Variants in HOXD3 observed in about 807,000 individuals in gnomAD.
The protein encoded by HOXD3 is homeobox D3, also known as homeobox protein Hox-D3.
Under a neutral mutation model 32.8 loss-of-function variants are expected in HOXD3, and 13 were observed. The ratio of observed to expected loss-of-function variants is 0.40; its 90% CI spans 0.26 to 0.63. The LOEUF (loss-of-function observed/expected upper bound fraction) is 0.63, where lower values mean the gene tolerates loss of function less well. Ranked by LOEUF, HOXD3 falls within the 20% of genes least tolerant of loss-of-function variation. The pLI is 0.44. For missense variants in HOXD3, 504 were observed against 577.1 expected (o/e 0.87, Z 1.30); for synonymous variants, 241 against 246.8 (o/e 0.98, Z 0.22).
At chr2:176,167,657 G>A (rs1385874575) in intron 2 of HOXD3, among the ~76,000 whole-genome samples, 1 of 141,810 alleles carries the variant, frequency 7.1e-6, no homozygotes, top group Non-Finnish European at 1.5e-5. Context: ...GCAAGATGCT[G>A]TGATTTTGAA....
chr2:176,169,320 C>G lies in HOXD3; in HGVS notation c.206C>G (p.Ser69Cys), dbSNP rs1691097443. The part of the protein sequence containing the change: ...LDTDYPGSAC[S>C]IQSSAPLRAP... ...ACTGACTATCCAGGTTCTGCCTGCTCCATCCAGAGCTCTGCCCCTCTGAGA... is the reference window on the plus strand; with the variant it reads ...ACTGACTATCCAGGTTCTGCCTGCTGCATCCAGAGCTCTGCCCCTCTGAGA... The change falls in exon 3 of 4, where the codon TCC becomes TGC. Residue 69 changes from serine (S) to cysteine (C), a missense_variant. Transcript: ENST00000683222. 1.9e-6 allele frequency: 3 copies of G among 1,614,088 alleles called. No individual in the cohort carries two copies. The highest frequency in any genetic ancestry group is 1.7e-6 in the Non-Finnish European group (2 of 1,179,994).
At chr2:176,154,813 G>A (rs553392523), upstream of HOXD3, among the ~76,000 whole-genome samples, 4 of 152,316 alleles carry the variant, frequency 2.6e-5, no homozygotes, top group South Asian at 2.1e-4. Flanking sequence ...ATGTCACCAC[G>A]TCGGGATATT....
intron 1 of HOXD3, among the ~76,000 whole-genome samples, chr2:176,159,102 T>C (rs1413417618): frequency 3.9e-5 from 6 of 152,212 alleles, no homozygotes; most frequent in African/African-American, 1.2e-4. Flanking sequence ...TATGCTCCGA[T>C]TGAAGAAGGC....
At chr2:176,158,127 G>C (rs933460658) in intron 1 of HOXD3, among the ~76,000 whole-genome samples, 1 of 152,206 alleles carries the variant, frequency 6.6e-6, no homozygotes, top group African/African-American at 2.4e-5. Context: ...ACCCCAGCGA[G>C]TTTCTTCTTC....
At chr2:176,170,359 G>T (rs1017136580) in intron 3 of HOXD3, among the ~76,000 whole-genome samples, 1 of 152,148 alleles carries the variant, frequency 6.6e-6, no homozygotes, top group Non-Finnish European at 1.5e-5. Flanking sequence ...AGTAGGAGAG[G>T]ATATTCTGGG....
intron 1 of HOXD3, among the ~76,000 whole-genome samples, chr2:176,158,050 G>C (rs966448690): frequency 6.6e-6 from 1 of 152,226 alleles, no homozygotes; most frequent in Non-Finnish European, 1.5e-5. Context: ...TTAACCAACA[G>C]ATAATGATTT....
At chr2:176,152,854 CCTCCTCATCTTG>C (rs746681294), upstream of HOXD3, 7 of 1,613,952 alleles carry the variant, frequency 4.3e-6, no homozygotes, top group African/African-American at 1.3e-5. This position sits in a 1 kb window ranked among gnomAD's most constrained non-coding sequence, Gnocchi z 5.2. Flanking sequence ...TCCTCATCTT[CCTCCTCATCTTG>C]CTCCTCCTCA....
At chr2:176,163,638 G>A (rs980172055) in intron 1 of HOXD3, among the ~76,000 whole-genome samples, 12 of 152,226 alleles carry the variant, frequency 7.9e-5, no homozygotes, top group South Asian at 4.2e-4. Context: ...TTCCTTTCCT[G>A]GTGCCCTTTT....
upstream of HOXD3, chr2:176,153,299 C>A: frequency 6.7e-6 from 2 of 298,964 alleles, no homozygotes; most frequent in Non-Finnish European, 1.3e-5. Context: ...CATTCTCCCC[C>A]ACTCCACCCC....
upstream of HOXD3, chr2:176,153,024 C>G: frequency 7.4e-7 from 1 of 1,348,700 alleles, no homozygotes; most frequent in Non-Finnish European, 1.1e-6. Flanking sequence ...GCTGTCACCT[C>G]GCTGGGCTCT....
At chr2:176,154,116 GT>G (rs576083458), upstream of HOXD3, among the ~76,000 whole-genome samples, 263 of 151,788 alleles carry the variant, frequency 1.7e-3, no homozygotes, top group African/African-American at 5.8e-3. Flanking sequence ...TAGCCTTAGA[GT>G]TTTTTTCCCC....
intron 1 of HOXD3, among the ~76,000 whole-genome samples, chr2:176,158,590 T>TTGTG (rs758297802): frequency 3.3e-5 from 5 of 151,790 alleles, no homozygotes; most frequent in African/African-American, 1.2e-4. Context: ...GCGTGTGTGT[T>TTGTG]TGTGTGTGTG....
At chr2:176,163,501 G>A (rs535122271) in intron 1 of HOXD3, among the ~76,000 whole-genome samples, 1 of 152,256 alleles carries the variant, frequency 6.6e-6, no homozygotes, top group African/African-American at 2.4e-5. Context: ...GATACTTACC[G>A]GAATGAATAA....
rs1161153987 is a variant in HOXD3 at position 176,172,345 on chromosome 2, C to T, written c.*71C>T. 7.1e-7 allele frequency: 1 copy of T among 1,415,814 alleles called. No homozygotes were observed. Among genetic ancestry groups the T allele is most frequent in the Non-Finnish European group, 9.5e-7 (1 of 1,057,304 alleles). The allele number at this position is 1,415,814 out of a possible 1,614,324, so 87.7% of individuals were successfully genotyped here. On this transcript the variant is annotated 3_prime_UTR_variant, in exon 4 of 4. Transcript: ENST00000683222. Reference sequence around the variant, plus strand: ...GTAGTGGTGGGGTAGAGGGTGGGGCCCGCGGGGCAGTTCGGGAACCCCCTT... The same window carrying T: ...GTAGTGGTGGGGTAGAGGGTGGGGCTCGCGGGGCAGTTCGGGAACCCCCTT...
Position 176,172,310 on chromosome 2 carries a change from C to T in HOXD3, c.*36C>T, listed in dbSNP as rs767181625. On this transcript the variant is annotated 3_prime_UTR_variant, in exon 4 of 4. Transcript: ENST00000683222. ...CAGCCCGAACTCGCGGCAAAATTAC[C>T]TCTCTTGCTGTAGTGGTGGGGTAGA... is the stretch of plus-strand genomic sequence containing the variant. 1.9e-6 allele frequency: 3 copies of T among 1,559,064 alleles called. No homozygotes were observed. The highest frequency in any genetic ancestry group is 1.2e-5 in the South Asian group (1 of 84,278).
upstream of HOXD3, among the ~76,000 whole-genome samples, chr2:176,155,263 A>G (rs1343188265): frequency 6.6e-6 from 1 of 152,202 alleles, no homozygotes. Flanking sequence ...TATATATAAT[A>G]GAGATTTGTT....
upstream of HOXD3, among the ~76,000 whole-genome samples, chr2:176,153,830 A>C (rs1270142164): frequency 6.6e-6 from 1 of 152,202 alleles, no homozygotes; most frequent in African/African-American, 2.4e-5. Flanking sequence ...TGATTAAAGG[A>C]AAGGGAAAAA....
At chr2:176,163,657 T>C (rs960951761) in intron 1 of HOXD3, among the ~76,000 whole-genome samples, 2 of 152,148 alleles carry the variant, frequency 1.3e-5, no homozygotes, top group African/African-American at 4.8e-5. Context: ...TTCTGCAGCC[T>C]CCCCTGCCAA....
At chr2:176,162,463 C>T (rs1274132088) in intron 1 of HOXD3, among the ~76,000 whole-genome samples, 1 of 152,242 alleles carries the variant, frequency 6.6e-6, no homozygotes, top group African/African-American at 2.4e-5. Flanking sequence ...CCTTCCTGCT[C>T]TTCCCGTTTT....
Sources: gnomAD v4.1 joint callset for allele counts (sites outside exome capture counted in the v4.1 genomes callset) on GRCh38, gnomAD v4.1.1 for gene constraint, Gnocchi (gnomAD v3.1) non-coding constraint, MANE v1.5 for transcripts, NCBI Gene and HGNC (gene_info 2026-07-23, HGNC 2026-07-21) for gene names.